Variants in CLIP2 observed in about 807,000 individuals in gnomAD.
The protein encoded by CLIP2 is CAP-Gly domain containing linker protein 2.
A neutral mutation model predicts 111.7 loss-of-function variants in CLIP2; 41 were observed. The ratio of observed to expected loss-of-function variants is 0.37; its 90% CI spans 0.29 to 0.48. The LOEUF is 0.48. Ranked by LOEUF, CLIP2 falls within the 20% of genes least tolerant of loss-of-function variation. CLIP2 has a pLI of 0.99. For synonymous variants in CLIP2, 660 were observed against 644.2 expected (o/e 1.02, Z -0.37); for missense variants, 1,160 against 1,422.1 (o/e 0.82, Z 2.96).
intron 8 of CLIP2, among the ~76,000 whole-genome samples, chr7:74,371,605 AGGAG>A (rs1790624394): frequency 7.9e-6 from 1 of 126,080 alleles, no homozygotes; most frequent in South Asian, 3.0e-4. Flanking sequence ...GAAGGAGAGA[AGGAG>A]GGAGGGAGGG....
chr7:74,367,030 G>A (rs1790485731), intron 8 of CLIP2, among the ~76,000 whole-genome samples: 2 of 152,002 alleles, frequency 1.3e-5, no homozygotes, highest in African/African-American at 2.4e-5. Context: ...TTGCTGCCTT[G>A]CCTGTGTGGC....
At chr7:74,343,215 A>T (rs1229485748) in intron 3 of CLIP2, among the ~76,000 whole-genome samples, 1 of 151,378 alleles carries the variant, frequency 6.6e-6, no homozygotes, top group Non-Finnish European at 1.5e-5. Context: ...AAAAACCCAG[A>T]GTGGAGCAGG....
intron 5 of CLIP2, 49 bp downstream of exon 5, chr7:74,356,672 G>T (rs1554308551): frequency 1.3e-6 from 2 of 1,532,298 alleles, no homozygotes; most frequent in East Asian, 4.7e-5. Context: ...GTTTGGGAGG[G>T]GTGAGGATGT....
chr7:74,381,480 C>A, intron 11 of CLIP2: 1 of 397,334 alleles, frequency 2.5e-6, no homozygotes, highest in Non-Finnish European at 5.1e-6. Context: ...AGCCACCGTG[C>A]CTAGCTGGTT....
At chr7:74,360,056 G>A in intron 6 of CLIP2, 119 bp from the exon 7 acceptor site, 1 of 743,668 alleles carries the variant, frequency 1.3e-6, no homozygotes. Context: ...TGCCAGCAGG[G>A]AAGTTGGGGT....
intron 3 of CLIP2, among the ~76,000 whole-genome samples, chr7:74,346,510 G>A (rs1258127968): frequency 2.6e-5 from 4 of 151,688 alleles, no homozygotes; most frequent in Non-Finnish European, 2.9e-5. Context: ...ATCACTTGAG[G>A]CCAGGAGTTC....
At position 74,310,036 on chromosome 7, in the gene CLIP2, C is replaced by CAAAAAAAAAAAAAAAAA. The variant is rs71094774; in HGVS notation, c.-67-7418_-67-7402dup. 1.8e-4 allele frequency among the ~76,000 whole-genome samples: 17 copies of CAAAAAAAAAAAAAAAAA among 92,486 alleles called. 2 individuals are homozygous for CAAAAAAAAAAAAAAAAA. The highest frequency in any genetic ancestry group is 6.2e-4 in the African/African-American group (10 of 16,226). The allele number at this position is 92,486 out of a possible 152,430, so 60.7% of individuals were successfully genotyped here. A position where few individuals can be genotyped will look rare whatever the true frequency, so the allele number is the denominator to read the frequency against. On this transcript the variant is annotated intron_variant, in intron 1 of 16. Transcript: ENST00000223398. ...GCAATATGGCAAGACCCTGTCTCTA[C>CAAAAAAAAAAAAAAAAA]AAAAAAAAAAAAAAAAAAAAAAAAA...
chr7:74,305,118 A>T (rs572593805), intron 1 of CLIP2, among the ~76,000 whole-genome samples: 1 of 80,266 alleles, frequency 1.2e-5, no homozygotes, highest in South Asian at 4.4e-4. Flanking sequence ...CCTCTAGGGG[A>T]CCATCCATCC....
At chr7:74,402,548 T>G (rs1441140427) in intron 16 of CLIP2, among the ~76,000 whole-genome samples, 4 of 151,918 alleles carry the variant, frequency 2.6e-5, no homozygotes, top group Admixed American at 2.6e-4. Flanking sequence ...AAAAATTAGC[T>G]AGGTGTGGTG....
At chr7:74,388,369 G>A (rs1554315202) in intron 12 of CLIP2, among the ~76,000 whole-genome samples, 1 of 151,948 alleles carries the variant, frequency 6.6e-6, no homozygotes, top group African/African-American at 2.4e-5. Flanking sequence ...GCATGGTGGT[G>A]GGCACCTGTA....
chr7:74,353,768 T>G, intron 3 of CLIP2, 112 bp from the exon 4 acceptor site: 1 of 1,456,310 alleles, frequency 6.9e-7, no homozygotes, highest in Non-Finnish European at 9.6e-7. Context: ...CTGGCTCCCG[T>G]GTCCTCTGCA....
At chr7:74,332,120 C>T (rs1789303831) in intron 2 of CLIP2, among the ~76,000 whole-genome samples, 1 of 151,818 alleles carries the variant, frequency 6.6e-6, no homozygotes, top group Non-Finnish European at 1.5e-5. Flanking sequence ...TTTGCCCAGG[C>T]TGGAGTGAAG....
At position 74,365,094 on chromosome 7, in the gene CLIP2, G is replaced by A. The variant is rs962069728; in HGVS notation, c.1380+779G>A. 3.9e-4 allele frequency among the ~76,000 whole-genome samples: 59 copies of A among 151,106 alleles called. 1 individual carries two copies. The Middle Eastern group carries it at 0.017, about 44-fold the overall frequency. On this transcript the variant is annotated intron_variant, in intron 8 of 16. Coordinates refer to ENST00000223398, the MANE Select transcript of CLIP2 (RefSeq NM_003388.5). ...AATGGATGTTGGGGCACAACCCAGC[G>A]TCAGAGCCTCAGCCCAGCTCAGCAT...
At chr7:74,316,480 G>A (rs868960548) in intron 1 of CLIP2, among the ~76,000 whole-genome samples, 2 of 151,660 alleles carry the variant, frequency 1.3e-5, no homozygotes, top group Non-Finnish European at 2.9e-5. Flanking sequence ...TGAACTCCTG[G>A]CCTCAAGCAA....
At chr7:74,386,325 C>T (rs1791098205) in intron 11 of CLIP2, 196 bp from the exon 12 acceptor site, 3 of 455,190 alleles carry the variant, frequency 6.6e-6, no homozygotes, top group Non-Finnish European at 1.2e-5. Context: ...CAGGCATGAG[C>T]CACCACGCCC....
At chr7:74,362,925 G>A (rs1176602290) in intron 7 of CLIP2, among the ~76,000 whole-genome samples, 1 of 152,024 alleles carries the variant, frequency 6.6e-6, no homozygotes, top group Non-Finnish European at 1.5e-5. Context: ...CCTTCGGCAG[G>A]TCGCCTGCCC....
At chr7:74,396,373 G>A in intron 13 of CLIP2, among the ~76,000 whole-genome samples, 1 of 152,110 alleles carries the variant, frequency 6.6e-6, no homozygotes, top group East Asian at 1.9e-4. Context: ...ATGACCCTGG[G>A]CGACATAGCA....
intron 2 of CLIP2, among the ~76,000 whole-genome samples, chr7:74,323,368 TA>T (rs1275851941): frequency 3.3e-5 from 5 of 151,872 alleles, no homozygotes; most frequent in Non-Finnish European, 7.4e-5. Flanking sequence ...CACCTCAGCC[TA>T]CCAAAGGGCG....
rs1242020990 is a variant in CLIP2 at position 74,369,935 on chromosome 7, GGATCACGAGGTCA to G, written c.1381-2995_1381-2983del. Among the ~76,000 whole-genome samples, 48 of 73,446 alleles carry G rather than the reference GGATCACGAGGTCA, an allele frequency of 6.5e-4. 4 individuals carry two copies. The highest frequency in any genetic ancestry group is 1.8e-3 in the African/African-American group (46 of 25,632). 48.2% of individuals were successfully genotyped at this position (73,446 alleles called of 152,430 possible). ...AGCACTTTGGGAGGCCAAGGTGGGC[GGATCACGAGGTCA>G]GGAGCTCCAAACCAGCCTGGCTAAC... On this transcript the variant is annotated intron_variant, in intron 8 of 16. Transcript: ENST00000223398.
Sources: gnomAD v4.1 joint callset for allele counts (sites outside exome capture counted in the v4.1 genomes callset) on GRCh38, gnomAD v4.1.1 for gene constraint, MANE v1.5 for transcripts, NCBI Gene and HGNC (gene_info 2026-07-23, HGNC 2026-07-21) for gene names.